LTBP1: variants seen among roughly 807,000 people sequenced by gnomAD.
LTBP1 encodes the protein latent-transforming growth factor beta-binding protein 1.
Under a neutral mutation model 207.6 loss-of-function variants are expected in LTBP1, and 129 were observed. The observed-to-expected ratio is 0.62, with a 90% CI of 0.54 to 0.72. The LOEUF is 0.72. Among genes scored for constraint, LTBP1 ranks in the 30% least tolerant of loss-of-function variants. The pLI, the probability that LTBP1 is intolerant of heterozygous loss-of-function variation, is 0.00. For synonymous variants in LTBP1, 963 were observed against 833.7 expected (o/e 1.16, Z -2.67); for missense variants, 2,281 against 2,217.2 (o/e 1.03, Z -0.58).
chr2:32,951,872 A>G (rs1415762416), intron 2 of LTBP1, among the ~76,000 whole-genome samples: 2 of 152,180 alleles, frequency 1.3e-5, no homozygotes, highest in African/African-American at 4.8e-5. Flanking sequence ...AGATTGAACA[A>G]TTACACTTGG....
chr2:32,993,969 AGTGT>A (rs70938383), intron 2 of LTBP1, among the ~76,000 whole-genome samples: 2,377 of 138,452 alleles, frequency 0.017, 46 homozygotes, highest in African/African-American at 0.036. Flanking sequence ...CAGTTAGGGG[AGTGT>A]GTGTGTGTGT....
chr2:33,304,298 C>A (rs754001999), intron 22 of LTBP1, among the ~76,000 whole-genome samples: 1 of 152,202 alleles, frequency 6.6e-6, no homozygotes, highest in Non-Finnish European at 1.5e-5. Context: ...CCTGCTAATT[C>A]CCAACTAGCA....
chr2:33,371,819 C>T (rs537452160), intron 31 of LTBP1, among the ~76,000 whole-genome samples: 1 of 152,188 alleles, frequency 6.6e-6, no homozygotes, highest in South Asian at 2.1e-4. Flanking sequence ...AACCACGGTC[C>T]GAAATATTAA....
At chr2:33,386,590 C>T (rs961020646) in intron 31 of LTBP1, among the ~76,000 whole-genome samples, 1 of 152,126 alleles carries the variant, frequency 6.6e-6, no homozygotes, top group Non-Finnish European at 1.5e-5. Flanking sequence ...TTAGGGAGGC[C>T]AAGGTGATAG....
intron 3 of LTBP1, among the ~76,000 whole-genome samples, chr2:33,046,452 C>T (rs219197): frequency 8.8e-4 from 134 of 152,232 alleles, no homozygotes; most frequent in Middle Eastern, 3.4e-3. Context: ...CCTTGCCTCC[C>T]GGGGATGAAG....
intron 2 of LTBP1, among the ~76,000 whole-genome samples, chr2:32,969,035 C>G (rs1572869780): frequency 6.6e-6 from 1 of 151,614 alleles, no homozygotes; most frequent in East Asian, 1.9e-4. Flanking sequence ...GAGCAATTCC[C>G]CTGCCTCAGC....
chr2:33,123,785 A>G (rs977927277), intron 4 of LTBP1, among the ~76,000 whole-genome samples: 3 of 152,208 alleles, frequency 2.0e-5, no homozygotes, highest in South Asian at 2.1e-4. Context: ...CTGCATGCCA[A>G]CCATGGTACT....
intron 24 of LTBP1, among the ~76,000 whole-genome samples, chr2:33,336,418 T>C (rs747226595): frequency 2.0e-5 from 3 of 152,234 alleles, no homozygotes; most frequent in Non-Finnish European, 4.4e-5. Context: ...TAACTGACTA[T>C]GTAACCTTGA....
intron 3 of LTBP1, 37 bp from the exon 4 acceptor site, chr2:33,110,545 T>G: frequency 6.3e-7 from 1 of 1,579,152 alleles, no homozygotes; most frequent in Non-Finnish European, 8.7e-7. Flanking sequence ...TAAAAGCCCA[T>G]TATTTAATTC....
intron 7 of LTBP1, among the ~76,000 whole-genome samples, chr2:33,201,195 G>C (rs10188467): frequency 0.081 from 12,261 of 151,994 alleles, 1,062 homozygotes; most frequent in African/African-American, 0.22. Context: ...TATTGCGGCA[G>C]TATTCACAAT....
At chr2:33,253,111 A>C (rs1558889669) in intron 11 of LTBP1, among the ~76,000 whole-genome samples, 1 of 152,188 alleles carries the variant, frequency 6.6e-6, no homozygotes, top group Non-Finnish European at 1.5e-5. Flanking sequence ...TTCAATTTCC[A>C]GGACTCTGAG....
chr2:33,295,504 G>A (rs1459580758), intron 20 of LTBP1, among the ~76,000 whole-genome samples: 7 of 152,026 alleles, frequency 4.6e-5, no homozygotes, highest in Admixed American at 3.3e-4. Context: ...ACCAGCCTGA[G>A]TGACAGAGCA....
chr2:33,181,725 GC>G (rs1272900910), intron 5 of LTBP1, among the ~76,000 whole-genome samples: 1 of 152,144 alleles, frequency 6.6e-6, no homozygotes, highest in Non-Finnish European at 1.5e-5. Context: ...TAAAATATAT[GC>G]CCCATGGCTA....
At chr2:33,158,403 A>G (rs1422917533) in intron 5 of LTBP1, among the ~76,000 whole-genome samples, 14 of 152,174 alleles carry the variant, frequency 9.2e-5, no homozygotes, top group Admixed American at 8.5e-4. Context: ...ACAGAAGGCT[A>G]CTTACTGCCC....
chr2:32,990,935 G>GTGGACAGT (rs1201365008), intron 2 of LTBP1, among the ~76,000 whole-genome samples: 3 of 152,168 alleles, frequency 2.0e-5, no homozygotes, highest in South Asian at 2.1e-4. Flanking sequence ...TTGGCTCTCA[G>GTGGACAGT]TGGACAGTTC....
At chr2:33,209,282 C>T (rs2090118158) in intron 7 of LTBP1, among the ~76,000 whole-genome samples, 2 of 152,248 alleles carry the variant, frequency 1.3e-5, no homozygotes, top group South Asian at 4.1e-4. Flanking sequence ...TTCTCTGGGA[C>T]CTGACTTAGT....
intron 31 of LTBP1, among the ~76,000 whole-genome samples, chr2:33,378,221 GTTTTGTT>G (rs2095168445): frequency 7.1e-6 from 1 of 140,206 alleles, no homozygotes; most frequent in African/African-American, 2.8e-5. Flanking sequence ...GTGTGTGTGT[GTTTTGTT>G]TGTTTGTTTG....
intron 10 of LTBP1, among the ~76,000 whole-genome samples, chr2:33,252,255 C>T (rs1255722468): frequency 6.6e-6 from 1 of 152,210 alleles, no homozygotes; most frequent in African/African-American, 2.4e-5. Context: ...AGCCATGTTC[C>T]TCATTCTCCA....
chr2:33,389,289 C>A lies in LTBP1; in HGVS notation c.4817C>A (p.Pro1606His). The part of the protein sequence containing the change: ...FSEQYTPEAD[P>H]YFIQDRFLNS... ...GAACAGTATACTCCAGAAGCCGATC[C>A]CTACTTCATCCAAGACCGTAAGCAA... The change falls in exon 32 of 34, where the codon CCC becomes CAC. Residue 1606 changes from proline (P) to histidine (H), a missense_variant. Around this residue, in one of 3 missense-constraint regions of LTBP1, gnomAD observed 1,671 missense variants for 1,634.8 expected, o/e 1.02. Transcript: ENST00000404816. 1 of 1,614,152 alleles carries A rather than the reference C, an allele frequency of 6.2e-7. No homozygotes were observed. The highest frequency in any genetic ancestry group is 1.1e-5 in the South Asian group (1 of 91,082).
Sources: gnomAD v4.1 joint callset for allele counts (sites outside exome capture counted in the v4.1 genomes callset) on GRCh38, gnomAD v4.1.1 for gene constraint, gnomAD v4.1.1 regional missense constraint, MANE v1.5 for transcripts, NCBI Gene and HGNC (gene_info 2026-07-23, HGNC 2026-07-21) for gene names.